The following ZBTB7C variants were observed in gnomAD, a reference collection of about 807,000 sequenced individuals.
ZBTB7C encodes zinc finger and BTB domain-containing protein 7C.
Under a neutral mutation model 25.7 loss-of-function variants are expected in ZBTB7C, and 8 were observed. That is an observed-to-expected ratio of 0.31 (90% CI 0.18 to 0.56). The LOEUF (loss-of-function observed/expected upper bound fraction) is 0.56. ZBTB7C is among the 20% of genes least tolerant of loss of function. The pLI is 0.91. For missense variants in ZBTB7C, 824 were observed against 855.2 expected (o/e 0.96, Z 0.46); for synonymous variants, 394 against 369.0 (o/e 1.07, Z -0.78).
At chr18:48,368,590 G>A in intron 1 of ZBTB7C, among the ~76,000 whole-genome samples, 1 of 152,102 alleles carries the variant, frequency 6.6e-6, no homozygotes, top group East Asian at 1.9e-4. Flanking sequence ...TCAAGAAGCT[G>A]AGAAAATCTC....
intron 2 of ZBTB7C, among the ~76,000 whole-genome samples, chr18:48,317,812 C>T (rs1013356970): frequency 6.6e-6 from 1 of 152,212 alleles, no homozygotes; most frequent in Non-Finnish European, 1.5e-5. Flanking sequence ...TTGAAACATA[C>T]AGATCCCAGG....
At position 48,056,552 on chromosome 18, in the gene ZBTB7C, G is replaced by A. The variant is rs529443622; in HGVS notation, c.-16-15429C>T. On this transcript the variant is annotated intron_variant, in intron 3 of 4. Coordinates refer to ENST00000590800, the MANE Select transcript of ZBTB7C (RefSeq NM_001318841.2). ...GGAAGACAGATCAATATAAAGTCACGGGCAGTCCATAAACAGACTCACATA... is the reference window on the plus strand; with the variant it reads ...GGAAGACAGATCAATATAAAGTCACAGGCAGTCCATAAACAGACTCACATA... 7.2e-5 allele frequency among the ~76,000 whole-genome samples: 11 copies of A among 152,122 alleles called. No homozygotes were observed. In the South Asian group the frequency reaches 2.1e-3, roughly 29 times the overall value.
rs532437734 is a variant in ZBTB7C at position 48,166,455 on chromosome 18, C to T, written c.-17+19479G>A. Among the ~76,000 whole-genome samples, 8 of 152,290 alleles carry T rather than the reference C, an allele frequency of 5.3e-5. No individual in the cohort carries two copies. The South Asian group carries it at 1.7e-3, about 32-fold the overall frequency. ...CTCTTTTCCCCAGTAAGCTGGACTTCTCAGCTTCTCAGACCCCCGGTTTCT... is the reference window on the plus strand; with the variant it reads ...CTCTTTTCCCCAGTAAGCTGGACTTTTCAGCTTCTCAGACCCCCGGTTTCT... On this transcript the variant is annotated intron_variant, in intron 3 of 4. Transcript: ENST00000590800.
At chr18:48,046,131 G>A (rs2036460081) in intron 3 of ZBTB7C, among the ~76,000 whole-genome samples, 1 of 152,182 alleles carries the variant, frequency 6.6e-6, no homozygotes, top group Non-Finnish European at 1.5e-5. Flanking sequence ...AAACTATGAG[G>A]CAATAAATGT....
At chr18:48,108,782 A>G (rs1446941137) in intron 3 of ZBTB7C, among the ~76,000 whole-genome samples, 1 of 151,954 alleles carries the variant, frequency 6.6e-6, no homozygotes, top group Non-Finnish European at 1.5e-5. Flanking sequence ...ACTGTGTGGG[A>G]CGGGCCTTCT....
Position 48,029,340 on chromosome 18 carries a change from G to A in ZBTB7C, c.1780C>T (p.Pro594Ser). Residue 594 changes from proline (P) to serine (S), a missense_variant, in exon 5 of 5, where the codon CCT (proline) becomes TCT (serine). Physicochemically the swap from Pro to Ser is moderately conservative, Grantham distance 74 (BLOSUM62 -1). Around this residue, in one of 4 missense-constraint regions of ZBTB7C, gnomAD observed 342 missense variants for 307.0 expected, o/e 1.11. Transcript: ENST00000590800. ...AARPYFPLPDPWAAGLAGLPG... is the reference protein window; with the variant it reads ...AARPYFPLPDSWAAGLAGLPG... Reference sequence around the variant, plus strand: ...AGGCCGGCCAGGCCGGCGGCCCAAGGGTCGGGCAGCGGGAAGTAGGGCCGC... The same window carrying A: ...AGGCCGGCCAGGCCGGCGGCCCAAGAGTCGGGCAGCGGGAAGTAGGGCCGC... 1.3e-6 allele frequency: 2 copies of A among 1,543,394 alleles called. No homozygotes were observed. The highest frequency in any genetic ancestry group is 1.7e-6 in the Non-Finnish European group (2 of 1,149,688).
At chr18:48,038,765 G>A (rs993451209) in intron 4 of ZBTB7C, among the ~76,000 whole-genome samples, 5 of 152,148 alleles carry the variant, frequency 3.3e-5, no homozygotes, top group Non-Finnish European at 7.3e-5. Flanking sequence ...TGAGTTCTCT[G>A]AGAGGGACAG....
At chr18:48,076,705 G>T (rs2037777564) in intron 3 of ZBTB7C, among the ~76,000 whole-genome samples, 1 of 152,144 alleles carries the variant, frequency 6.6e-6, no homozygotes, top group Non-Finnish European at 1.5e-5. Context: ...GTTGCTGATG[G>T]GCTTTGTCCT....
chr18:48,032,150 G>T (rs2144078800), intron 4 of ZBTB7C, among the ~76,000 whole-genome samples: 1 of 152,166 alleles, frequency 6.6e-6, no homozygotes, highest in African/African-American at 2.4e-5. Flanking sequence ...GTCTCACTCT[G>T]TTGCCCAGGC....
At chr18:48,087,172 A>G (rs2038222820) in intron 3 of ZBTB7C, among the ~76,000 whole-genome samples, 1 of 152,190 alleles carries the variant, frequency 6.6e-6, no homozygotes. Context: ...TTGAGTGCTC[A>G]CTGTGCTCCT....
At chr18:48,174,124 A>G (rs557073503) in intron 3 of ZBTB7C, among the ~76,000 whole-genome samples, 1 of 152,392 alleles carries the variant, frequency 6.6e-6, no homozygotes, top group African/African-American at 2.4e-5. Context: ...TTGACTATAC[A>G]AACAAATTTA....
intron 3 of ZBTB7C, among the ~76,000 whole-genome samples, chr18:48,159,779 C>T (rs1391514195): frequency 6.6e-6 from 1 of 152,244 alleles, no homozygotes; most frequent in Non-Finnish European, 1.5e-5. Context: ...CCCCATCCCA[C>T]ATGCCATAGT....
intron 2 of ZBTB7C, among the ~76,000 whole-genome samples, chr18:48,256,916 T>C (rs1483902413): frequency 1.3e-5 from 2 of 151,478 alleles, no homozygotes; most frequent in African/African-American, 4.9e-5. Flanking sequence ...AAATATTCAG[T>C]CCAAAGGAAG....
chr18:48,400,862 T>A (rs2048141842), intron 1 of ZBTB7C, among the ~76,000 whole-genome samples: 1 of 152,252 alleles, frequency 6.6e-6, no homozygotes, highest in South Asian at 2.1e-4. Flanking sequence ...CCAGGTCATA[T>A]GCTACTTATC....
intron 1 of ZBTB7C, among the ~76,000 whole-genome samples, chr18:48,379,113 A>G (rs2047582973): frequency 1.3e-5 from 2 of 152,226 alleles, no homozygotes; most frequent in South Asian, 2.1e-4. Context: ...TTTATTAATA[A>G]GACTATCTTT....
In ZBTB7C at chr18:48,270,253, CTTTTTT is replaced by C. The variant is rs760096959; in HGVS notation, c.-79+67915_-79+67920del. 2.0e-4 allele frequency among the ~76,000 whole-genome samples: 20 copies of C among 98,776 alleles called. 1 individual carries two copies. The highest frequency in any genetic ancestry group is 6.5e-4 in the African/African-American group (17 of 26,336). 64.8% of individuals were successfully genotyped at this position (98,776 alleles called of 152,430 possible). A position where few individuals can be genotyped will look rare whatever the true frequency, so the allele number is the denominator to read the frequency against. ...TAAACCTAGTTCTTTTTCTCTCTTT[CTTTTTT>C]TTTTTTTTTTTTTTTTTGAGATGGA... On this transcript the variant is annotated intron_variant, in intron 2 of 4. Transcript: ENST00000590800.
Position 48,163,943 on chromosome 18 carries a change from C to A in ZBTB7C, c.-17+21991G>T, listed in dbSNP as rs565180137. Among the ~76,000 whole-genome samples, 58 of 152,314 alleles carry A rather than the reference C, an allele frequency of 3.8e-4. 1 individual carries two copies. The highest frequency in any genetic ancestry group is 1.5e-5 in the Non-Finnish European group (1 of 68,036). ...TAACTAGGTGGACAGTTGGCGGAGG[C>A]TCCTGCCAGGTCAGAGGGGATTTGC... On this transcript the variant is annotated intron_variant, in intron 3 of 4. Transcript: ENST00000590800.
chr18:48,188,402 T>C (rs1204526729), intron 2 of ZBTB7C, among the ~76,000 whole-genome samples: 1 of 152,188 alleles, frequency 6.6e-6, no homozygotes, highest in Non-Finnish European at 1.5e-5. Context: ...AAGCCCCTTA[T>C]AAAACCATTG....
chr18:48,338,334 C>T lies in ZBTB7C; in HGVS notation c.-239G>A, dbSNP rs1036403724. ...GGACTCCACGCCATCACTTCTTGCTCTTGTGGCTGACCCACTCCTCAGGGT... is the reference window on the plus strand; with the variant it reads ...GGACTCCACGCCATCACTTCTTGCTTTTGTGGCTGACCCACTCCTCAGGGT... On this transcript the variant is annotated 5_prime_UTR_variant, in exon 2 of 5. Coordinates refer to ENST00000590800, the MANE Select transcript of ZBTB7C (RefSeq NM_001318841.2). 5 of 152,276 alleles carry T rather than the reference C, an allele frequency of 3.3e-5. No individual in the cohort carries two copies. The highest frequency in any genetic ancestry group is 1.2e-4 in the African/African-American group (5 of 41,454). 9.4% of individuals were successfully genotyped at this position (152,276 alleles called of 1,614,324 possible).
Sources: gnomAD v4.1 joint callset for allele counts (sites outside exome capture counted in the v4.1 genomes callset) on GRCh38, gnomAD v4.1.1 for gene constraint, gnomAD v4.1.1 regional missense constraint, MANE v1.5 for transcripts, NCBI Gene and HGNC (gene_info 2026-07-23, HGNC 2026-07-21) for gene names.